Variants in KIRREL3 observed in about 807,000 individuals in gnomAD.
KIRREL3 encodes kirre like nephrin family adhesion molecule 3, also known as kin of IRRE-like protein 3.
A neutral mutation model predicts 89.7 loss-of-function variants in KIRREL3; 36 were observed. The ratio of observed to expected loss-of-function variants is 0.40; its 90% CI spans 0.31 to 0.53. The LOEUF (loss-of-function observed/expected upper bound fraction) is 0.53. Among genes scored for constraint, KIRREL3 ranks in the 20% least tolerant of loss-of-function variants. The pLI, the probability that KIRREL3 is intolerant of heterozygous loss-of-function variation, is 0.49. For synonymous variants in KIRREL3, 445 were observed against 441.4 expected (o/e 1.01, Z -0.10); for missense variants, 864 against 1,056.6 (o/e 0.82, Z 2.53).
chr11:126,872,096 T>C lies in KIRREL3; in HGVS notation c.55+128359A>G, dbSNP rs893600961. 6.6e-6 allele frequency among the ~76,000 whole-genome samples: 1 copy of C among 152,198 alleles called. No individual in the cohort carries two copies. The highest frequency in any genetic ancestry group is 6.5e-5 in the Admixed American group (1 of 15,284). On this transcript the variant is annotated intron_variant, in intron 1 of 16. Transcript: ENST00000525144. This position sits in a 1 kb window ranked among gnomAD's most constrained non-coding sequence, Gnocchi z 4.2. ...CCTTGCTGATTGGAGCAGGATCTGG[T>C]AGAAACAAGGTGCAGTGAACAAGCT...
rs573963307 is a variant in KIRREL3 at position 126,611,685 on chromosome 11, G to C, written c.56-48773C>G. 2.0e-5 allele frequency among the ~76,000 whole-genome samples: 3 copies of C among 152,278 alleles called. No homozygotes were observed. Among genetic ancestry groups the C allele is most frequent in the Non-Finnish European group, 2.9e-5 (2 of 68,018 alleles). On this transcript the variant is annotated intron_variant, in intron 1 of 16. Transcript: ENST00000525144. The surrounding 1 kb of genome is among the most constrained non-coding windows in gnomAD (Gnocchi z 4.7). ...TGGCTGCTCTCTGGGCTGCACGCACGTTGGGTTCACTGATCGCAGAGTCTT... is the reference window on the plus strand; with the variant it reads ...TGGCTGCTCTCTGGGCTGCACGCACCTTGGGTTCACTGATCGCAGAGTCTT...
intron 1 of KIRREL3, among the ~76,000 whole-genome samples, chr11:126,855,689 T>C (rs1379871893): frequency 6.6e-6 from 1 of 152,230 alleles, no homozygotes; most frequent in East Asian, 1.9e-4. Flanking sequence ...ATCAGCTCCA[T>C]CACCAGCCTT....
intron 1 of KIRREL3, among the ~76,000 whole-genome samples, chr11:126,902,915 C>T (rs976199379): frequency 1.3e-5 from 2 of 152,152 alleles, no homozygotes; most frequent in African/African-American, 4.8e-5. Context: ...AAACAGAGAT[C>T]CAGATAGCAA....
At position 126,739,172 on chromosome 11, in the gene KIRREL3, A is replaced by T. The variant is rs1106420; in HGVS notation, c.56-176260T>A. Among the ~76,000 whole-genome samples, 111,089 of 152,106 alleles carry T rather than the reference A, an allele frequency of 0.73. 40,847 individuals carry two copies. Among genetic ancestry groups the T allele is most frequent in the East Asian group, 0.88 (4,545 of 5,176 alleles). ...TCTGGCTCCAAAGCCAAACCCTTCC[A>T]CCCGTTCCGTGCTATTGTTGGAGAT... On this transcript the variant is annotated intron_variant, in intron 1 of 16. Transcript: ENST00000525144. The surrounding 1 kb of genome is among the most constrained non-coding windows in gnomAD (Gnocchi z 5.5).
rs891044155 is a variant in KIRREL3 at position 126,970,302 on chromosome 11, CCTT to C, written c.55+30150_55+30152del. 6.6e-5 allele frequency among the ~76,000 whole-genome samples: 10 copies of C among 152,100 alleles called. No individual in the cohort carries two copies. Among genetic ancestry groups the C allele is most frequent in the Admixed American group, 4.6e-4 (7 of 15,266 alleles). On this transcript the variant is annotated intron_variant, in intron 1 of 16. Coordinates refer to ENST00000525144, the MANE Select transcript of KIRREL3 (RefSeq NM_032531.4). The surrounding 1 kb of genome is among the most constrained non-coding windows in gnomAD (Gnocchi z 4.4). ...CTTTCTCAGGAAGTTCTCTTCTTTTCCTTCTTTTCTTCCCTTTCTTTTCTCTCT... is the reference window on the plus strand; with the variant it reads ...CTTTCTCAGGAAGTTCTCTTCTTTTCCTTTTCTTCCCTTTCTTTTCTCTCT...
chr11:126,957,659 G>T (rs918808249), intron 1 of KIRREL3, among the ~76,000 whole-genome samples: 7 of 152,164 alleles, frequency 4.6e-5, no homozygotes, highest in African/African-American at 1.7e-4. Flanking sequence ...AAGGAGGCAG[G>T]GTTGGACGTG....
At chr11:126,988,080 A>C (rs1165756915) in intron 1 of KIRREL3, among the ~76,000 whole-genome samples, 1 of 152,206 alleles carries the variant, frequency 6.6e-6, no homozygotes, top group Non-Finnish European at 1.5e-5. Context: ...AGGGTTTTGA[A>C]GTTCTGGAAA....
At chr11:126,586,423 G>T (rs1941858823) in intron 1 of KIRREL3, among the ~76,000 whole-genome samples, 1 of 152,062 alleles carries the variant, frequency 6.6e-6, no homozygotes, top group South Asian at 2.1e-4. Flanking sequence ...CGAGCTGGGG[G>T]AAGGGTCTCG....
At chr11:126,793,415 G>A (rs952077085) in intron 1 of KIRREL3, among the ~76,000 whole-genome samples, 7 of 152,198 alleles carry the variant, frequency 4.6e-5, no homozygotes, top group African/African-American at 1.7e-4. Flanking sequence ...AGTTCCTTTG[G>A]ATGTGCATGC....
At chr11:126,661,878 GA>G (rs1945419427) in intron 1 of KIRREL3, among the ~76,000 whole-genome samples, 1 of 152,196 alleles carries the variant, frequency 6.6e-6, no homozygotes, top group African/African-American at 2.4e-5. Context: ...TGGTATGAGG[GA>G]AAACAGGAGG....
rs1456884001 is a variant in KIRREL3 at position 126,428,899 on chromosome 11, G to C, written c.1806+280C>G. ...TAATCTCAAGTGATCCGCCCAACTC[G>C]GTCTCCCAAAGTGTTGGGATTGCAA... On this transcript the variant is annotated intron_variant, in intron 15 of 16. Transcript: ENST00000525144. The surrounding 1 kb of genome is among the most constrained non-coding windows in gnomAD (Gnocchi z 6.4). 6.6e-6 allele frequency among the ~76,000 whole-genome samples: 1 copy of C among 152,150 alleles called. No individual in the cohort carries two copies. Among genetic ancestry groups the C allele is most frequent in the Non-Finnish European group, 1.5e-5 (1 of 68,018 alleles).
At chr11:126,732,564 G>A (rs1208062672) in intron 1 of KIRREL3, among the ~76,000 whole-genome samples, 1 of 152,192 alleles carries the variant, frequency 6.6e-6, no homozygotes, top group African/African-American at 2.4e-5. Context: ...TGCTTGTCTC[G>A]GGAAAGTGTA....
rs1397826839 is a variant in KIRREL3, at chr11:126,491,357, G to A, written c.434-17891C>T. 2.0e-5 allele frequency among the ~76,000 whole-genome samples: 3 copies of A among 152,196 alleles called. No homozygotes were observed. The highest frequency in any genetic ancestry group is 4.4e-5 in the Non-Finnish European group (3 of 68,030). On this transcript the variant is annotated intron_variant, in intron 4 of 16. Coordinates refer to ENST00000525144, the MANE Select transcript of KIRREL3 (RefSeq NM_032531.4). The surrounding 1 kb of genome is among the most constrained non-coding windows in gnomAD (Gnocchi z 5.5). The stretch of plus-strand genomic sequence containing the variant: ...CTGAGCGGGTGCTTTATTGTGTGAT[G>A]GGTGGGGACACTTGCTCTCAGGGGG...
At chr11:126,679,362 A>T (rs7113252) in intron 1 of KIRREL3, among the ~76,000 whole-genome samples, 2,466 of 152,330 alleles carry the variant, frequency 0.016, 82 homozygotes, top group African/African-American at 0.056. Flanking sequence ...AAACATACCT[A>T]CATAATCTAA....
intron 1 of KIRREL3, among the ~76,000 whole-genome samples, chr11:126,658,660 C>T (rs1001487159): frequency 1.3e-5 from 2 of 152,218 alleles, no homozygotes; most frequent in African/African-American, 2.4e-5. Flanking sequence ...ATGGGATCTG[C>T]ATCTCGTTAA....
rs536667657 is a variant in KIRREL3, at chr11:126,527,139, C to T, written c.134-452G>A. On this transcript the variant is annotated intron_variant, in intron 2 of 16. Coordinates refer to ENST00000525144, the MANE Select transcript of KIRREL3 (RefSeq NM_032531.4). This position sits in a 1 kb window ranked among gnomAD's most constrained non-coding sequence, Gnocchi z 4.2. ...AGAAGGGGGTCGATGGAGAGTGGTG[C>T]GGCTTTGGTTAAACCTGAGAATTCA... Among the ~76,000 whole-genome samples, 2 of 152,212 alleles carry T rather than the reference C, an allele frequency of 1.3e-5. No individual in the cohort carries two copies. The highest frequency in any genetic ancestry group is 1.9e-4 in the East Asian group (1 of 5,176).
In KIRREL3 at chr11:126,516,257, C is replaced by G. The variant is rs1220154034; in HGVS notation, c.433+5058G>C. Among the ~76,000 whole-genome samples, 3 of 152,038 alleles carry G rather than the reference C, an allele frequency of 2.0e-5. No individual in the cohort carries two copies. Among genetic ancestry groups the G allele is most frequent in the Non-Finnish European group, 4.4e-5 (3 of 68,014 alleles). Reference sequence around the variant, plus strand: ...TAGGAAGCTTTATTTCTAACGGGAGCCACAAGACAGCAGAGTTAATATTAG... The same window carrying G: ...TAGGAAGCTTTATTTCTAACGGGAGGCACAAGACAGCAGAGTTAATATTAG... On this transcript the variant is annotated intron_variant, in intron 4 of 16. Coordinates refer to ENST00000525144, the MANE Select transcript of KIRREL3 (RefSeq NM_032531.4). This position sits in a 1 kb window ranked among gnomAD's most constrained non-coding sequence, Gnocchi z 4.9.
Position 126,863,618 on chromosome 11 carries a change from T to TGA in KIRREL3, c.55+136836_55+136837insTC, listed in dbSNP as rs1555066540. ...GAGTGCGTGTGTGTTTGCGTGCGTG[T>TGA]GTGTGTGTTTGAGTGCGTGTGTGTG... On this transcript the variant is annotated intron_variant, in intron 1 of 16. Coordinates refer to ENST00000525144, the MANE Select transcript of KIRREL3 (RefSeq NM_032531.4). 1.9e-4 allele frequency among the ~76,000 whole-genome samples: 24 copies of TGA among 123,390 alleles called. 1 individual carries two copies. Among genetic ancestry groups the TGA allele is most frequent in the African/African-American group, 5.6e-4 (21 of 37,560 alleles). The allele number at this position is 123,390 out of a possible 152,430, so 80.9% of individuals were successfully genotyped here. A position where few individuals can be genotyped will look rare whatever the true frequency, so the allele number is the denominator to read the frequency against.
chr11:126,702,116 T>C (rs1947335129), intron 1 of KIRREL3, among the ~76,000 whole-genome samples: 2 of 152,154 alleles, frequency 1.3e-5, no homozygotes, highest in South Asian at 4.1e-4. Flanking sequence ...TCATCTTGGG[T>C]AGTCTGCTAA....
Sources: gnomAD v4.1 joint callset for allele counts (sites outside exome capture counted in the v4.1 genomes callset) on GRCh38, gnomAD v4.1.1 for gene constraint, Gnocchi (gnomAD v3.1) non-coding constraint, MANE v1.5 for transcripts, NCBI Gene and HGNC (gene_info 2026-07-23, HGNC 2026-07-21) for gene names.